Variants in LSP1 observed in about 807,000 individuals in gnomAD.
LSP1 encodes lymphocyte-specific protein 1.
LSP1 carries 32 observed loss-of-function variants against 49.3 expected under a neutral mutation model. The ratio of observed to expected loss-of-function variants is 0.65; its 90% CI spans 0.49 to 0.87. LSP1 has a LOEUF of 0.87. LSP1 is among the 40% of genes least tolerant of loss of function. LSP1 has a pLI of 0.00. For missense variants in LSP1, 428 were observed against 442.6 expected (o/e 0.97, Z 0.30); for synonymous variants, 179 against 178.8 (o/e 1.00, Z -0.01).
At chr11:1,864,222 G>A (rs1847716108) in intron 1 of LSP1, 2 of 987,934 alleles carry the variant, frequency 2.0e-6, no homozygotes, top group Non-Finnish European at 2.4e-6. Context: ...AAGGGTCCAG[G>A]CCTGCGATGA....
chr11:1,864,559 G>T (rs1368776861), intron 1 of LSP1, among the ~76,000 whole-genome samples: 1 of 152,110 alleles, frequency 6.6e-6, no homozygotes, highest in Non-Finnish European at 1.5e-5. Flanking sequence ...ACGCTGCTGG[G>T]CTGGGAGAGT....
In LSP1 at chr11:1,881,538, G is replaced by A. The variant is rs621679; in HGVS notation, c.298G>A (p.Ala100Thr). The part of the protein sequence containing the change: ...QRQQHEGAQG[A>T]LDSGEPPQCR... ...GCAGCAGCACGAGGGGGCGCAGGGC[G>A]CCTTGGACAGCGGAGAGCCCCCCCA... is the stretch of plus-strand genomic sequence containing the variant. The change falls in exon 3 of 11, where the codon GCC becomes ACC. Residue 100 changes from alanine to threonine, a missense_variant. Transcript: ENST00000311604. 581,580 of 1,545,222 alleles carry A rather than the reference G, an allele frequency of 0.38. 112,979 individuals carry two copies. The highest frequency in any genetic ancestry group is 0.56 in the East Asian group (23,290 of 41,272).
Position 1,884,483 on chromosome 11 carries a change from C to T in LSP1, c.636-17C>T. The T allele has an allele frequency of 6.2e-7, 1 of 1,610,842 alleles. No individual in the cohort carries two copies. The highest frequency in any genetic ancestry group is 8.5e-7 in the Non-Finnish European group (1 of 1,177,156). ...CTTGTGGGAGACATGGGGCCTGACA[C>T]ATCTTCTACCCTCCAGTAACAGTGT... On this transcript the variant is annotated splice_polypyrimidine_tract_variant and intron_variant, in intron 6 of 10. Transcript: ENST00000311604. This position sits in a 1 kb window ranked among gnomAD's most constrained non-coding sequence, Gnocchi z 4.1.
At chr11:1,888,874 T>C in intron 10 of LSP1, 1 of 394,680 alleles carries the variant, frequency 2.5e-6, no homozygotes, top group African/African-American at 2.1e-5. Context: ...GCCCCCATCC[T>C]ACATCCCGAC....
intron 3 of LSP1, among the ~76,000 whole-genome samples, chr11:1,882,784 C>T (rs1848599585): frequency 6.6e-6 from 1 of 152,220 alleles, no homozygotes; most frequent in Non-Finnish European, 1.5e-5. Flanking sequence ...TCTTGGCTGG[C>T]ACGCACACCC....
intron 1 of LSP1, chr11:1,869,051 G>A (rs560238750): frequency 1.3e-5 from 13 of 975,834 alleles, no homozygotes; most frequent in Non-Finnish European, 1.6e-5. Flanking sequence ...GCAAGTGGGA[G>A]CTTGTGGGAG....
chr11:1,871,312 C>T (rs1254819523), intron 1 of LSP1: 36 of 986,090 alleles, frequency 3.7e-5, no homozygotes, highest in Non-Finnish European at 3.6e-5. Context: ...AACCTCCGAC[C>T]CAGGCTGGTC....
intron 1 of LSP1, among the ~76,000 whole-genome samples, chr11:1,862,485 T>G (rs1847667677): frequency 6.6e-6 from 1 of 152,190 alleles, no homozygotes; most frequent in Non-Finnish European, 1.5e-5. Flanking sequence ...CATTCCTGGC[T>G]GTCTGTGGCT....
chr11:1,875,748 A>T (rs867688722), intron 1 of LSP1, among the ~76,000 whole-genome samples: 45 of 152,242 alleles, frequency 3.0e-4, no homozygotes, highest in Admixed American at 1.5e-3. Context: ...GGCCAGCACC[A>T]GGCGTTGGGG....
intron 1 of LSP1, chr11:1,870,009 G>A: frequency 2.6e-6 from 1 of 391,248 alleles, no homozygotes; most frequent in South Asian, 1.9e-5. Flanking sequence ...CGTGAGACGT[G>A]AGAGGTGCAC....
chr11:1,891,705 G>A (rs898751594), intron 10 of LSP1, 68 bp from the exon 11 acceptor site: 1 of 152,694 alleles, frequency 6.5e-6, no homozygotes, highest in East Asian at 1.9e-4. Context: ...GGGCTTGCAG[G>A]AGGCAGGTCT....
At chr11:1,874,835 G>A (rs1366499307) in intron 1 of LSP1, among the ~76,000 whole-genome samples, 1 of 152,236 alleles carries the variant, frequency 6.6e-6, no homozygotes, top group East Asian at 1.9e-4. Context: ...GCCCCATGGT[G>A]AGGAAACAAG....
At chr11:1,885,298 G>T (rs1293778070) in intron 7 of LSP1, among the ~76,000 whole-genome samples, 1 of 151,466 alleles carries the variant, frequency 6.6e-6, no homozygotes, top group Non-Finnish European at 1.5e-5. Flanking sequence ...CATTCAATCG[G>T]TACCTCTCCA....
At chr11:1,872,616 C>T (rs1848088639) in intron 1 of LSP1, among the ~76,000 whole-genome samples, 3 of 142,244 alleles carry the variant, frequency 2.1e-5, no homozygotes, top group Non-Finnish European at 4.6e-5. Flanking sequence ...GGGCTGCAGT[C>T]ACCCCGGTGC....
intron 10 of LSP1, chr11:1,889,236 G>C: frequency 3.0e-6 from 2 of 674,098 alleles, no homozygotes; most frequent in Non-Finnish European, 5.5e-6. Flanking sequence ...AGGGGGCCGG[G>C]TGGCCTCCTG....
intron 1 of LSP1, among the ~76,000 whole-genome samples, chr11:1,871,844 C>T (rs1240105852): frequency 8.4e-4 from 88 of 104,632 alleles, no homozygotes; most frequent in South Asian, 2.4e-3. Flanking sequence ...GTGTGTGTGG[C>T]AGGCAGGCCT....
At position 1,884,301 on chromosome 11, in the gene LSP1, C is replaced by G; in HGVS notation, c.613C>G (p.Leu205Val). The G allele has an allele frequency of 6.2e-7, 1 of 1,614,130 alleles. No individual in the cohort carries two copies. The highest frequency in any genetic ancestry group is 1.1e-5 in the South Asian group (1 of 91,086). Residue 205 changes from leucine (L) to valine (V), a missense_variant, in exon 6 of 11, where the codon CTA becomes GTA. By Grantham distance (32) the Leu-to-Val change is conservative. Transcript: ENST00000311604. This position sits in a 1 kb window ranked among gnomAD's most constrained non-coding sequence, Gnocchi z 4.1. ...GCAGCTCATCGACAGGACCGAGTCC[C>G]TAAACCGCTCCATAGAGAAGAGGTC... Reference protein sequence around the residue: ...TTKLIDRTESLNRSIEKSNSV... With the variant: ...TTKLIDRTESVNRSIEKSNSV...
At position 1,886,683 on chromosome 11, in the gene LSP1, C is replaced by T. The variant is rs751270208; in HGVS notation, c.718-49C>T. On this transcript the variant is annotated intron_variant, in intron 7 of 10. Coordinates refer to ENST00000311604, the MANE Select transcript of LSP1 (RefSeq NM_002339.3). ...GCCCAGTGTGACCCTCTGATGTGAC[C>T]ACGGTGGCTGTCCACTAAGGTAATC... 7 of 1,557,684 alleles carry T rather than the reference C, an allele frequency of 4.5e-6. No individual in the cohort carries two copies. In the South Asian group the frequency reaches 8.3e-5, roughly 18 times the overall value.
chr11:1,889,420 CG>C, intron 10 of LSP1: 1 of 672,688 alleles, frequency 1.5e-6, no homozygotes, highest in Admixed American at 2.2e-5. Context: ...GCCCGGGGTG[CG>C]GTGAGGGCGG....
Sources: gnomAD v4.1 joint callset for allele counts (sites outside exome capture counted in the v4.1 genomes callset) on GRCh38, gnomAD v4.1.1 for gene constraint, Gnocchi (gnomAD v3.1) non-coding constraint, MANE v1.5 for transcripts, NCBI Gene and HGNC (gene_info 2026-07-23, HGNC 2026-07-21) for gene names.